Variants in FBRSL1 observed in about 807,000 individuals in gnomAD.
The protein encoded by FBRSL1 is fibrosin-1-like protein.
FBRSL1 carries 51 observed loss-of-function variants against 89.6 expected under a neutral mutation model. The ratio of observed to expected loss-of-function variants is 0.57; its 90% CI spans 0.45 to 0.72. The LOEUF (loss-of-function observed/expected upper bound fraction) is 0.72. Among genes scored for constraint, FBRSL1 ranks in the 30% least tolerant of loss-of-function variants. FBRSL1 has a pLI of 0.00. For missense variants in FBRSL1, 1,618 were observed against 1,451.8 expected (o/e 1.11, Z -1.86); for synonymous variants, 779 against 681.1 (o/e 1.14, Z -2.24).
intron 4 of FBRSL1, among the ~76,000 whole-genome samples, chr12:132,529,802 C>G (rs900767653): frequency 7.6e-6 from 1 of 132,302 alleles, no homozygotes; most frequent in South Asian, 2.4e-4. Context: ...TGGCCTCTCA[C>G]CTGGTTTGGC....
intron 3 of FBRSL1, among the ~76,000 whole-genome samples, chr12:132,527,477 C>T (rs567492268): frequency 3.3e-5 from 5 of 152,360 alleles, no homozygotes; most frequent in African/African-American, 9.6e-5. Context: ...ACGCCTAACT[C>T]TGTCCTCCTC....
Position 132,582,968 on chromosome 12 carries a change from C to A in FBRSL1, c.2202-3C>A. The A allele has an allele frequency of 7.1e-7, 1 of 1,417,538 alleles. No individual in the cohort carries two copies. The highest frequency in any genetic ancestry group is 3.1e-5 in the East Asian group (1 of 32,566). 87.8% of individuals were successfully genotyped at this position (1,417,538 alleles called of 1,614,324 possible). ...AGTGACGGGTCCGCCCTGCCGCCCC[C>A]AGGGACCTCCTGGAGAAGACGCGCC... On this transcript the variant is annotated splice_polypyrimidine_tract_variant and splice_region_variant and intron_variant, in intron 18 of 18. Transcript: ENST00000680143.
At chr12:132,570,732 G>A (rs1362205789) in intron 8 of FBRSL1, among the ~76,000 whole-genome samples, 192 bp downstream of exon 8, 3 of 152,208 alleles carry the variant, frequency 2.0e-5, no homozygotes, top group East Asian at 1.9e-4. Flanking sequence ...ATCTGTGTGC[G>A]GGGACAGGCA....
chr12:132,580,869 C>G (rs2040697193), intron 15 of FBRSL1: 1 of 985,304 alleles, frequency 1.0e-6, no homozygotes, highest in Non-Finnish European at 1.2e-6. Flanking sequence ...CAGCCCCTCC[C>G]AGGGCCCGGG....
Position 132,570,462 on chromosome 12 carries a change from A to G in FBRSL1, c.1135A>G (p.Met379Val). The G allele has an allele frequency of 5.9e-6, 9 of 1,532,820 alleles. No homozygotes were observed. The highest frequency in any genetic ancestry group is 7.9e-6 in the Non-Finnish European group (9 of 1,145,214). The allele number at this position is 1,532,820 out of a possible 1,614,324, so 95.0% of individuals were successfully genotyped here. A position where few individuals can be genotyped will look rare whatever the true frequency, so the allele number is the denominator to read the frequency against. The change falls in exon 8 of 19, where the codon ATG becomes GTG. Residue 379 changes from methionine (M) to valine (V), a missense_variant. By Grantham distance (21) the Met-to-Val change is conservative (BLOSUM62 1). Coordinates refer to ENST00000680143, the MANE Select transcript of FBRSL1 (RefSeq NM_001367871.1). The stretch of plus-strand genomic sequence containing the variant: ...GGCGCAGCACCAGCTCCACGCGGCC[A>G]TGTTTGCCGCACCCCCGACACTGCC... ...SQAQHQLHAA[M>V]FAAPPTLPPP...
chr12:132,546,795 C>T lies in FBRSL1; in HGVS notation c.616-1208C>T, dbSNP rs374151102. On this transcript the variant is annotated intron_variant, in intron 4 of 18. Coordinates refer to ENST00000680143, the MANE Select transcript of FBRSL1 (RefSeq NM_001367871.1). This position sits in a 1 kb window ranked among gnomAD's most constrained non-coding sequence, Gnocchi z 4.0. ...TGTAGGAGCCACCTGGAGTGTGACT[C>T]GTCATGCGCTGGGAGCAGCACGTTC... Among the ~76,000 whole-genome samples, 3 of 152,234 alleles carry T rather than the reference C, an allele frequency of 2.0e-5. No individual in the cohort carries two copies. Among genetic ancestry groups the T allele is most frequent in the Non-Finnish European group, 2.9e-5 (2 of 68,034 alleles).
chr12:132,490,703 G>C lies in FBRSL1; in HGVS notation c.133G>C (p.Glu45Gln). 1 of 993,490 alleles carries C rather than the reference G, an allele frequency of 1.0e-6. No individual in the cohort carries two copies. Among genetic ancestry groups the C allele is most frequent in the Non-Finnish European group, 1.2e-6 (1 of 833,638 alleles). The allele number at this position is 993,490 out of a possible 1,614,324, so 61.5% of individuals were successfully genotyped here. A position where few individuals can be genotyped will look rare whatever the true frequency, so the allele number is the denominator to read the frequency against. The stretch of plus-strand genomic sequence containing the variant: ...CGAGCCCGAGCCCAGCCCCGGCAAG[G>C]AGAACGCGGGCCTCCGCGGCGCGCC... ...GDEPEPSPGK[E>Q]NAGLRGAPPR... is the part of the protein sequence containing the mutation. Residue 45 changes from glutamate (E) to glutamine (Q), a missense_variant, in exon 1 of 19, where the codon GAG (glutamate) becomes CAG (glutamine). Glu to Gln is a conservative substitution (Grantham distance 29). Transcript: ENST00000680143.
chr12:132,573,959 T>C (rs769658542), intron 11 of FBRSL1, 131 bp from the exon 12 acceptor site: 69 of 332,640 alleles, frequency 2.1e-4, no homozygotes, highest in Non-Finnish European at 2.9e-4. Flanking sequence ...AGGCTGTCCC[T>C]GGGAGACAGC....
At chr12:132,581,025 C>G (rs1178864820) in intron 15 of FBRSL1, 16 of 985,368 alleles carry the variant, frequency 1.6e-5, no homozygotes, top group African/African-American at 3.5e-5. Flanking sequence ...CCATCCAGGC[C>G]TGAGGCCCAG....
intron 4 of FBRSL1, among the ~76,000 whole-genome samples, chr12:132,532,883 G>T (rs1351399793): frequency 2.6e-5 from 4 of 152,158 alleles, no homozygotes; most frequent in Non-Finnish European, 5.9e-5. Context: ...GACCCAGCCA[G>T]GTGGGACACT....
intron 4 of FBRSL1, among the ~76,000 whole-genome samples, chr12:132,540,348 T>C (rs1251163084): frequency 8.7e-6 from 1 of 115,438 alleles, no homozygotes; most frequent in Non-Finnish European, 1.8e-5. Flanking sequence ...CCTCTCTCAG[T>C]TGACCCCAGG....
At chr12:132,519,294 C>A (rs554020715) in intron 2 of FBRSL1, among the ~76,000 whole-genome samples, 12 of 152,224 alleles carry the variant, frequency 7.9e-5, no homozygotes, top group Non-Finnish European at 1.5e-4. Context: ...TGGAGGAGCT[C>A]TTTACCTAGC....
chr12:132,542,237 G>A (rs1302646277), intron 4 of FBRSL1, among the ~76,000 whole-genome samples: 2 of 152,320 alleles, frequency 1.3e-5, no homozygotes, highest in East Asian at 3.9e-4. Context: ...GGGCACCTGG[G>A]TGGGCACGCG....
At chr12:132,496,012 C>T (rs749679508) in intron 1 of FBRSL1, among the ~76,000 whole-genome samples, 41 of 152,254 alleles carry the variant, frequency 2.7e-4, no homozygotes, top group Non-Finnish European at 5.7e-4. Context: ...CCCTCCCTCC[C>T]GGCTGCTTGG....
At position 132,517,817 on chromosome 12, in the gene FBRSL1, G is replaced by T. The variant is rs528690313; in HGVS notation, c.490-7917G>T. Among the ~76,000 whole-genome samples, 8 of 152,092 alleles carry T rather than the reference G, an allele frequency of 5.3e-5. No homozygotes were observed. In the South Asian group the frequency reaches 1.7e-3, roughly 31 times the overall value. ...AGCTCCTGTGTTTTTACAAACTCGTGGGGGAGGCAGCACGGTTGTGGGGGT... is the reference window on the plus strand; with the variant it reads ...AGCTCCTGTGTTTTTACAAACTCGTTGGGGAGGCAGCACGGTTGTGGGGGT... On this transcript the variant is annotated intron_variant, in intron 2 of 18. Transcript: ENST00000680143.
At chr12:132,517,106 G>A (rs1014709379) in intron 2 of FBRSL1, among the ~76,000 whole-genome samples, 11 of 152,260 alleles carry the variant, frequency 7.2e-5, no homozygotes, top group Non-Finnish European at 1.5e-4. Flanking sequence ...TGCAGGGCCT[G>A]TGGAGAGAGG....
chr12:132,571,782 C>G (rs146412709), intron 9 of FBRSL1: 2 of 341,004 alleles, frequency 5.9e-6, no homozygotes, highest in Non-Finnish European at 1.0e-5. Context: ...GACACCCTCA[C>G]GCCTGCACTA....
chr12:132,511,244 T>G, intron 2 of FBRSL1: 3 of 985,456 alleles, frequency 3.0e-6, no homozygotes, highest in Non-Finnish European at 3.6e-6. Flanking sequence ...ACTGAAGGGT[T>G]GCCTGCAGGG....
At chr12:132,582,041 C>T in intron 17 of FBRSL1, 21 bp from the exon 18 acceptor site, 1 of 1,531,756 alleles carries the variant, frequency 6.5e-7, no homozygotes, top group Non-Finnish European at 8.8e-7. Context: ...CAACCTCATG[C>T]TCCCCGGCCT....
Sources: allele counts gnomAD v4.1 joint callset (sites outside exome capture counted in the v4.1 genomes callset), GRCh38; gene constraint gnomAD v4.1.1; non-coding constraint Gnocchi (gnomAD v3.1); transcripts MANE v1.5; gene names NCBI Gene and HGNC (gene_info 2026-07-23, HGNC 2026-07-21).